KCNMB2: variants seen among roughly 807,000 people sequenced by gnomAD.
KCNMB2 encodes the protein potassium calcium-activated channel subfamily M regulatory beta subunit 2.
A neutral mutation model predicts 24.5 loss-of-function variants in KCNMB2; 9 were observed. The ratio of observed to expected loss-of-function variants is 0.37; its 90% CI spans 0.22 to 0.64. The LOEUF (loss-of-function observed/expected upper bound fraction) is 0.64. KCNMB2 is among the 30% of genes least tolerant of loss of function. The pLI is 0.63. For missense variants in KCNMB2, 226 were observed against 284.3 expected (o/e 0.79, Z 1.47); for synonymous variants, 109 against 104.4 (o/e 1.04, Z -0.27).
intron 1 of KCNMB2, among the ~76,000 whole-genome samples, chr3:178,788,231 C>G (rs901150567): frequency 6.6e-6 from 1 of 152,160 alleles, no homozygotes; most frequent in South Asian, 2.1e-4. Flanking sequence ...TGATGCCCAA[C>G]ACAGTGAAGG....
chr3:178,686,593 C>G (rs1330907914), intron 1 of KCNMB2, among the ~76,000 whole-genome samples: 2 of 152,102 alleles, frequency 1.3e-5, no homozygotes, highest in Non-Finnish European at 2.9e-5. Context: ...GAGTGACCTT[C>G]CTGCTTTTGC....
intron 2 of KCNMB2, among the ~76,000 whole-genome samples, chr3:178,823,952 AT>A (rs1052928372): frequency 6.6e-6 from 1 of 152,036 alleles, no homozygotes; most frequent in African/African-American, 2.4e-5. Flanking sequence ...CATTTTCAGC[AT>A]TTTATTTGTC....
chr3:178,831,410 A>G (rs1715052558), intron 4 of KCNMB2, among the ~76,000 whole-genome samples: 1 of 152,184 alleles, frequency 6.6e-6, no homozygotes, highest in African/African-American at 2.4e-5. Context: ...ACCCTGAACA[A>G]TACAAATTGT....
chr3:178,678,496 C>A (rs1487765001), intron 1 of KCNMB2, among the ~76,000 whole-genome samples: 1 of 152,124 alleles, frequency 6.6e-6, no homozygotes, highest in African/African-American at 2.4e-5. Flanking sequence ...AAAATTCAAG[C>A]ATAGCAGAAC....
chr3:178,596,905 C>T (rs1294819018), intron 1 of KCNMB2, among the ~76,000 whole-genome samples: 1 of 152,130 alleles, frequency 6.6e-6, no homozygotes, highest in Non-Finnish European at 1.5e-5. Flanking sequence ...TGGAGAACCT[C>T]TTTCAGTTAA....
intron 2 of KCNMB2, among the ~76,000 whole-genome samples, chr3:178,810,869 G>C (rs978839445): frequency 1.3e-5 from 2 of 151,182 alleles, no homozygotes; most frequent in Non-Finnish European, 2.9e-5. Context: ...CAAGTAGCTG[G>C]GACTACAGGC....
chr3:178,723,016 A>T (rs1722858944), intron 1 of KCNMB2, among the ~76,000 whole-genome samples: 1 of 152,230 alleles, frequency 6.6e-6, no homozygotes, highest in Non-Finnish European at 1.5e-5. Flanking sequence ...TTTGTAAAAA[A>T]AAATCAGTTG....
At chr3:178,740,927 TG>T (rs1175982270) in intron 1 of KCNMB2, among the ~76,000 whole-genome samples, 1 of 152,122 alleles carries the variant, frequency 6.6e-6, no homozygotes, top group Non-Finnish European at 1.5e-5. Flanking sequence ...ACAGCAGACC[TG>T]GGATACAAAA....
At chr3:178,610,341 G>A (rs1466436413) in intron 1 of KCNMB2, among the ~76,000 whole-genome samples, 1 of 152,048 alleles carries the variant, frequency 6.6e-6, no homozygotes, top group African/African-American at 2.4e-5. Context: ...ATTGTTTTGG[G>A]TAGCATGGAC....
chr3:178,780,052 TTAAA>T (rs1712762316), intron 1 of KCNMB2, among the ~76,000 whole-genome samples: 1 of 118,048 alleles, frequency 8.5e-6, no homozygotes, highest in African/African-American at 3.4e-5. Flanking sequence ...GTTGTTTTTT[TTAAA>T]AAAAAAAAAA....
At chr3:178,795,644 G>T (rs1306344312) in intron 1 of KCNMB2, among the ~76,000 whole-genome samples, 1 of 152,188 alleles carries the variant, frequency 6.6e-6, no homozygotes, top group Non-Finnish European at 1.5e-5. Flanking sequence ...CTGGGAACAG[G>T]AACCTCAGTC....
intron 1 of KCNMB2, among the ~76,000 whole-genome samples, chr3:178,767,864 G>T (rs1432348910): frequency 6.6e-6 from 1 of 151,722 alleles, no homozygotes; most frequent in South Asian, 2.1e-4. Context: ...TTCAGCCATG[G>T]ATGAAACACT....
intron 1 of KCNMB2, among the ~76,000 whole-genome samples, chr3:178,786,600 G>A (rs931189709): frequency 1.3e-5 from 2 of 151,916 alleles, no homozygotes; most frequent in Non-Finnish European, 2.9e-5. Context: ...TTCCACCCTC[G>A]ACTTTACTAG....
chr3:178,746,725 C>T (rs142002932), intron 1 of KCNMB2, among the ~76,000 whole-genome samples: 21,274 of 152,162 alleles, frequency 0.14, 1,839 homozygotes, highest in Non-Finnish European at 0.18. Context: ...CCTAAATCAT[C>T]TCTCTCAAGT....
At chr3:178,591,770 G>A (rs141999068) in intron 1 of KCNMB2, among the ~76,000 whole-genome samples, 10 of 152,150 alleles carry the variant, frequency 6.6e-5, no homozygotes, top group East Asian at 3.9e-4. Context: ...ATCCCTTAAC[G>A]TCTTTGGTCA....
In KCNMB2 at chr3:178,758,495, TATATATATATATATATCTCCAA is replaced by T. The variant is rs1724311267; in HGVS notation, c.-67-48847_-67-48826del. On this transcript the variant is annotated intron_variant, in intron 1 of 4. Transcript: ENST00000452583. ...ATATATATCTCCAAGAGGTGATTGA[TATATATATATATATATCTCCAA>T]GAGGAGATGTATATATATATATATA... is the stretch of plus-strand genomic sequence containing the variant. Among the ~76,000 whole-genome samples, 26 of 39,704 alleles carry T rather than the reference TATATATATATATATATCTCCAA, an allele frequency of 6.5e-4. 5 individuals carry two copies. The highest frequency in any genetic ancestry group is 1.1e-3 in the Non-Finnish European group (26 of 23,462). 26.0% of individuals were successfully genotyped at this position (39,704 alleles called of 152,430 possible).
rs751790073 is a variant in KCNMB2 at position 178,828,355 on chromosome 3, A to C, written c.405A>C (p.Thr135=). The C allele has an allele frequency of 2.5e-6, 4 of 1,613,254 alleles. No homozygotes were observed. The highest frequency in any genetic ancestry group is 3.4e-6 in the Non-Finnish European group (4 of 1,179,478). Reference sequence around the variant, plus strand: ...TCCTCCTCTACCACACAGAAGAGACAATAAAAATCAATCAGAAGGTAGGAA... The same window carrying C: ...TCCTCCTCTACCACACAGAAGAGACCATAAAAATCAATCAGAAGGTAGGAA... ...EKLLLYHTEE[T]IKINQKCSYI... The change falls in exon 4 of 5, where the codon ACA becomes ACC. Residue 135 remains threonine (T), a synonymous_variant. Transcript: ENST00000452583.
chr3:178,554,639 C>G (rs9290653), intron 1 of KCNMB2, among the ~76,000 whole-genome samples: 26,803 of 152,006 alleles, frequency 0.18, 2,490 homozygotes, highest in Middle Eastern at 0.25. Flanking sequence ...GAAAAAAAAG[C>G]ACTTATGCTT....
At chr3:178,789,827 G>C (rs974571305) in intron 1 of KCNMB2, among the ~76,000 whole-genome samples, 1 of 152,038 alleles carries the variant, frequency 6.6e-6, no homozygotes, top group Non-Finnish European at 1.5e-5. Context: ...AGGCAGCCTA[G>C]GCCACAAGGA....
Sources: allele counts gnomAD v4.1 joint callset (sites outside exome capture counted in the v4.1 genomes callset), GRCh38; gene constraint gnomAD v4.1.1; transcripts MANE v1.5; gene names NCBI Gene and HGNC (gene_info 2026-07-23, HGNC 2026-07-21).